ZNF516: variants seen among roughly 807,000 people sequenced by gnomAD.
ZNF516 encodes the protein zinc finger protein 516.
Under a neutral mutation model 79.7 loss-of-function variants are expected in ZNF516, and 19 were observed. The ratio of observed to expected loss-of-function variants is 0.24; its 90% CI spans 0.17 to 0.35. The LOEUF is 0.35. Among genes scored for constraint, ZNF516 ranks in the 10% least tolerant of loss-of-function variants. The probability of loss-of-function intolerance (pLI) is 1.00; values close to 1 mark genes in which losing one functional copy is unlikely to be tolerated. For synonymous variants in ZNF516, 877 were observed against 739.5 expected, an observed-to-expected ratio of 1.19 and a Z score of -3.02; for missense variants, 1,678 against 1,679.5, an observed-to-expected ratio of 1.00 and a Z score of 0.02.
intron 3 of ZNF516, among the ~76,000 whole-genome samples, chr18:76,404,614 TGTAA>T (rs1482194461): frequency 2.8e-4 from 42 of 152,252 alleles, no homozygotes; most frequent in African/African-American, 9.4e-4. Context: ...AGTGTATGTT[TGTAA>T]GTATGAGTGC....
At position 76,459,767 on chromosome 18, in the gene ZNF516, G is replaced by A. The variant is rs1392521280; in HGVS notation, c.-158+3261C>T. Among the ~76,000 whole-genome samples the A allele has an allele frequency of 6.6e-6, 1 of 152,172 alleles. No homozygotes were observed. Among genetic ancestry groups the A allele is most frequent in the Admixed American group, 6.5e-5 (1 of 15,282 alleles). ...AGCACAGTGGGTATCCCATCACAAC[G>A]CGGGAGGATTCAGGGCCAACTGCAG... On this transcript the variant is annotated intron_variant, in intron 2 of 6. Coordinates refer to ENST00000443185, the MANE Select transcript of ZNF516 (RefSeq NM_014643.4). The surrounding 1 kb of genome is among the most constrained non-coding windows in gnomAD (Gnocchi z 5.0).
intron 1 of ZNF516, among the ~76,000 whole-genome samples, chr18:76,485,702 G>A (rs1468177465): frequency 6.6e-6 from 1 of 152,112 alleles, no homozygotes; most frequent in African/African-American, 2.4e-5. Flanking sequence ...GCCACCCTGT[G>A]AATTCAACAC....
chr18:76,455,474 T>C (rs1912664304), intron 2 of ZNF516, among the ~76,000 whole-genome samples: 1 of 152,208 alleles, frequency 6.6e-6, no homozygotes, highest in Admixed American at 6.5e-5. Context: ...AAAGGATCAC[T>C]GCCGGCACAG....
In ZNF516 at chr18:76,392,637, AGGG is replaced by A. The variant is rs2075093985; in HGVS notation, c.1811-12337_1811-12335del. 1.7e-5 allele frequency among the ~76,000 whole-genome samples: 2 copies of A among 118,222 alleles called. 1 individual carries two copies. The highest frequency in any genetic ancestry group is 3.4e-5 in the Non-Finnish European group (2 of 59,372). The allele number at this position is 118,222 out of a possible 152,430, so 77.6% of individuals were successfully genotyped here. On this transcript the variant is annotated intron_variant, in intron 3 of 6. Coordinates refer to ENST00000443185, the MANE Select transcript of ZNF516 (RefSeq NM_014643.4). ...GGAAGACAAGTGGCCAGGTGGAGGGAGGGCAGGCGGGAAGGCAGGTGACCAGGT... is the reference window on the plus strand; with the variant it reads ...GGAAGACAAGTGGCCAGGTGGAGGGACAGGCGGGAAGGCAGGTGACCAGGT...
chr18:76,414,634 C>G (rs891261624), intron 3 of ZNF516, among the ~76,000 whole-genome samples: 4 of 152,222 alleles, frequency 2.6e-5, no homozygotes, highest in African/African-American at 9.6e-5. Flanking sequence ...ACTTCATTAG[C>G]ACTGTAGTTG....
chr18:76,371,931 C>T (rs1266087008), intron 4 of ZNF516, among the ~76,000 whole-genome samples: 4 of 152,228 alleles, frequency 2.6e-5, no homozygotes, highest in Non-Finnish European at 5.9e-5. Flanking sequence ...AGAGTGACAC[C>T]GGCGTGACAG....
chr18:76,373,600 T>C (rs1816475027), intron 4 of ZNF516, among the ~76,000 whole-genome samples: 1 of 152,262 alleles, frequency 6.6e-6, no homozygotes, highest in Non-Finnish European at 1.5e-5. Flanking sequence ...GTCATTATTC[T>C]TTTTTCAAGT....
chr18:76,433,291 T>C lies in ZNF516; in HGVS notation c.1810+7954A>G, dbSNP rs2075686313. On this transcript the variant is annotated intron_variant, in intron 3 of 6. Coordinates refer to ENST00000443185, the MANE Select transcript of ZNF516 (RefSeq NM_014643.4). The stretch of plus-strand genomic sequence containing the variant: ...TCTCCATGGAGTTCGCTGTCAACTC[T>C]GAAGAACAGAATTCATCAAGGTGCA... 1.3e-5 allele frequency among the ~76,000 whole-genome samples: 2 copies of C among 152,332 alleles called. 1 individual carries two copies. Among genetic ancestry groups the C allele is most frequent in the Middle Eastern group, 6.8e-3 (2 of 294 alleles).
chr18:76,442,494 C>T lies in ZNF516; in HGVS notation c.561G>A (p.Lys187=). 1 of 1,602,708 alleles carries T rather than the reference C, an allele frequency of 6.2e-7. No individual in the cohort carries two copies. The highest frequency in any genetic ancestry group is 8.5e-7 in the Non-Finnish European group (1 of 1,179,638). ...CCTGGTGCACGTGCAGCTCCAGGTC[C>T]TTCTTACGCTCGAACTGGCTCTTGC... is the stretch of plus-strand genomic sequence containing the variant. ...SFCKSQFERK[K]DLELHVHQAH... The change falls in exon 3 of 7, where the codon AAG becomes AAA. Residue 187 remains lysine (K), a synonymous_variant. Coordinates refer to ENST00000443185, the MANE Select transcript of ZNF516 (RefSeq NM_014643.4).
At chr18:76,383,211 C>G (rs1211522210) in intron 3 of ZNF516, among the ~76,000 whole-genome samples, 1 of 152,140 alleles carries the variant, frequency 6.6e-6, no homozygotes, top group Non-Finnish European at 1.5e-5. Context: ...GGGCAGGAAA[C>G]TGAAGCTATT....
chr18:76,381,341 G>A (rs1164022575), intron 3 of ZNF516, among the ~76,000 whole-genome samples: 5 of 152,130 alleles, frequency 3.3e-5, no homozygotes, highest in Admixed American at 6.6e-5. Flanking sequence ...AGATGTTTCC[G>A]GATATCTTAA....
intron 1 of ZNF516, among the ~76,000 whole-genome samples, chr18:76,494,526 C>G (rs1341498794): frequency 6.8e-6 from 1 of 146,824 alleles, no homozygotes; most frequent in African/African-American, 2.5e-5. Context: ...CTTAGAAGCT[C>G]CCAGCAGACT....
intron 3 of ZNF516, among the ~76,000 whole-genome samples, chr18:76,416,412 T>A (rs568508484): frequency 1.6e-4 from 24 of 152,366 alleles, no homozygotes; most frequent in Non-Finnish European, 3.1e-4. Flanking sequence ...TTACACCATG[T>A]CAAAGGTCAT....
intron 4 of ZNF516, among the ~76,000 whole-genome samples, chr18:76,373,655 A>G (rs934052671): frequency 1.2e-4 from 19 of 152,256 alleles, no homozygotes; most frequent in Non-Finnish European, 2.9e-5. Flanking sequence ...CAGAGAAAAC[A>G]TGGATAGCCC....
chr18:76,370,673 T>A (rs1355292145), intron 5 of ZNF516, 78 bp from the exon 6 acceptor site: 1 of 1,237,954 alleles, frequency 8.1e-7, no homozygotes, highest in African/African-American at 1.6e-5. Flanking sequence ...CATTACAGAT[T>A]AAGTACTTCC....
At position 76,384,252 on chromosome 18, in the gene ZNF516, G is replaced by A. The variant is rs1213411966; in HGVS notation, c.1811-3949C>T. On this transcript the variant is annotated intron_variant, in intron 3 of 6. Transcript: ENST00000443185. ...GTGGCAGCAGGCACAGGACACACCC[G>A]TGCCCCCTCCACGGCCCCCACGCCC... is the stretch of plus-strand genomic sequence containing the variant. Among the ~76,000 whole-genome samples, 14 of 149,888 alleles carry A rather than the reference G, an allele frequency of 9.3e-5. No homozygotes were observed. In the East Asian group the frequency reaches 2.6e-3, roughly 28 times the overall value.
In ZNF516 at chr18:76,361,549, C is replaced by T. The variant is rs912745534; in HGVS notation, c.*949G>A. 3 of 152,206 alleles carry T rather than the reference C, an allele frequency of 2.0e-5. No homozygotes were observed. Among genetic ancestry groups the T allele is most frequent in the Admixed American group, 6.5e-5 (1 of 15,290 alleles). The allele number at this position is 152,206 out of a possible 1,614,324, so 9.4% of individuals were successfully genotyped here. A position where few individuals can be genotyped will look rare whatever the true frequency, so the allele number is the denominator to read the frequency against. On this transcript the variant is annotated 3_prime_UTR_variant, in exon 7 of 7. Transcript: ENST00000443185. ...ACAGAAGGCGCCAGAGCTCAGCACC[C>T]TAGTCATCTAGGGCACCTGAACCTG...
chr18:76,496,262 C>T, upstream of ZNF516: 2 of 1,284,794 alleles, frequency 1.6e-6, no homozygotes, highest in Non-Finnish European at 2.0e-6. Context: ...AGGGGTAACA[C>T]TATCTTCTCC....
At position 76,459,534 on chromosome 18, in the gene ZNF516, C is replaced by T. The variant is rs571573723; in HGVS notation, c.-158+3494G>A. Among the ~76,000 whole-genome samples, 6 of 152,312 alleles carry T rather than the reference C, an allele frequency of 3.9e-5. No homozygotes were observed. In the South Asian group the frequency reaches 1.2e-3, roughly 32 times the overall value. On this transcript the variant is annotated intron_variant, in intron 2 of 6. Transcript: ENST00000443185. This position sits in a 1 kb window ranked among gnomAD's most constrained non-coding sequence, Gnocchi z 5.0. ...CGGCCGTGTGCACCCCATCGGGCAC[C>T]GCGTCGCCTCCCTCGGAATGTATTC...
Sources: allele counts gnomAD v4.1 joint callset (sites outside exome capture counted in the v4.1 genomes callset), GRCh38; gene constraint gnomAD v4.1.1; non-coding constraint Gnocchi (gnomAD v3.1); transcripts MANE v1.5; gene names NCBI Gene and HGNC (gene_info 2026-07-23, HGNC 2026-07-21).